The following DAB1 variants were observed in gnomAD, a reference collection of about 807,000 sequenced individuals.
DAB1 encodes the protein disabled homolog 1.
Under a neutral mutation model 64.6 loss-of-function variants are expected in DAB1, and 15 were observed. The ratio of observed to expected loss-of-function variants is 0.23; its 90% CI spans 0.16 to 0.36. The LOEUF is 0.36. DAB1 is among the 10% of genes least tolerant of loss of function. The probability of loss-of-function intolerance (pLI) is 1.00; values close to 1 mark genes in which losing one functional copy is unlikely to be tolerated. For synonymous variants in DAB1, 235 were observed against 251.9 expected (o/e 0.93, Z 0.64); for missense variants, 596 against 706.7 (o/e 0.84, Z 1.78).
chr1:58,441,723 G>A (rs76888617), intron 3 of DAB1, among the ~76,000 whole-genome samples: 3,965 of 152,224 alleles, frequency 0.026, 63 homozygotes, highest in East Asian at 0.041. Context: ...CTGGTCAGTG[G>A]GTGTCTCTGG....
downstream of DAB1, among the ~76,000 whole-genome samples, chr1:57,822,857 T>G (rs1229852055): frequency 6.6e-6 from 1 of 152,162 alleles, no homozygotes. Context: ...TAGTGAGATA[T>G]TTATCCTTTT....
chr1:57,759,771 G>C lies in DAB1; in HGVS notation n.552-110106C>G, dbSNP rs1381187747. 2.6e-5 allele frequency among the ~76,000 whole-genome samples: 4 copies of C among 152,186 alleles called. No homozygotes were observed. In the East Asian group the frequency reaches 7.7e-4, roughly 29 times the overall value. On this transcript the variant is annotated intron_variant and non_coding_transcript_variant, in intron 6 of 20. Coordinates refer to the DAB1 transcript ENST00000485760. Reference sequence around the variant, plus strand: ...ACCAGTTAGGAGCTAGAATAGGTGAGACATGATAGGGACATTGACCATGGT... The same window carrying C: ...ACCAGTTAGGAGCTAGAATAGGTGACACATGATAGGGACATTGACCATGGT...
At chr1:57,356,974 C>A (rs915194541) in intron 1 of DAB1, among the ~76,000 whole-genome samples, 2 of 152,036 alleles carry the variant, frequency 1.3e-5, no homozygotes, top group East Asian at 1.9e-4. Context: ...CTTTGTGCTT[C>A]AACTATACAT....
At chr1:57,613,483 CT>C (rs1261233086) in intron 7 of DAB1, among the ~76,000 whole-genome samples, 1 of 152,006 alleles carries the variant, frequency 6.6e-6, no homozygotes, top group Non-Finnish European at 1.5e-5. Flanking sequence ...AGTTCGGTTT[CT>C]TCACTCTATG....
At chr1:57,096,658 C>G (rs959876831) in intron 4 of DAB1, among the ~76,000 whole-genome samples, 2 of 152,170 alleles carry the variant, frequency 1.3e-5, no homozygotes, top group Non-Finnish European at 2.9e-5. Context: ...TCACTCCCCA[C>G]AGTCAATCCC....
intron 2 of DAB1, among the ~76,000 whole-genome samples, chr1:57,189,274 A>G (rs1222334064): frequency 6.6e-6 from 1 of 152,174 alleles, no homozygotes; most frequent in East Asian, 1.9e-4. Context: ...GTAGTCTTTT[A>G]TCAACATTTA....
chr1:57,273,516 AGCCTGACTGCCTGCCT>A (rs1365017388), intron 2 of DAB1, among the ~76,000 whole-genome samples: 11 of 138,722 alleles, frequency 7.9e-5, no homozygotes, highest in East Asian at 5.0e-4. Flanking sequence ...GCATCCACCA[AGCCTGACTGCCTGCCT>A]GCCTGCCTGC....
chr1:57,494,883 C>T (rs1644211496), intron 7 of DAB1, among the ~76,000 whole-genome samples: 1 of 152,088 alleles, frequency 6.6e-6, no homozygotes, highest in African/African-American at 2.4e-5. Flanking sequence ...CTGTGAAATT[C>T]CTTATAAATA....
chr1:58,072,092 G>GC (rs905847196), intron 5 of DAB1, among the ~76,000 whole-genome samples: 5 of 122,450 alleles, frequency 4.1e-5, no homozygotes, highest in African/African-American at 8.8e-5. Context: ...GGGTGGGGGG[G>GC]GGTGGGTAGT....
chr1:58,272,758 T>G (rs911154142), intron 4 of DAB1, among the ~76,000 whole-genome samples: 4 of 152,178 alleles, frequency 2.6e-5, no homozygotes, highest in African/African-American at 9.7e-5. Context: ...CTTGTTGAAT[T>G]GATCCCTTTA....
intron 5 of DAB1, among the ~76,000 whole-genome samples, chr1:58,008,591 T>C (rs1183533297): frequency 1.3e-5 from 2 of 152,132 alleles, no homozygotes; most frequent in Non-Finnish European, 2.9e-5. Context: ...CGGTTCGGTG[T>C]GTGAATAAAG....
chr1:57,936,588 C>T (rs10157220), intron 5 of DAB1, among the ~76,000 whole-genome samples: 61,243 of 151,664 alleles, frequency 0.4, 13,499 homozygotes, highest in Admixed American at 0.51. Context: ...TTTTTATTAG[C>T]GATGGGATTT....
Position 57,193,381 on chromosome 1 carries a change from G to GTTT in DAB1, c.68-47955_68-47953dup, listed in dbSNP as rs999329119. 8.8e-4 allele frequency among the ~76,000 whole-genome samples: 73 copies of GTTT among 83,064 alleles called. 3 individuals are homozygous for GTTT. The highest frequency in any genetic ancestry group is 1.1e-3 in the Non-Finnish European group (52 of 46,280). 54.5% of individuals were successfully genotyped at this position (83,064 alleles called of 152,430 possible). On this transcript the variant is annotated intron_variant, in intron 2 of 14. Coordinates refer to ENST00000371236, the MANE Select transcript of DAB1 (RefSeq NM_001365792.1). ...CCTTCCAGATTCATCCGTAGCATAT[G>GTTT]TTTTTTTTTTTTTTTTTTTTTTTGA...
At chr1:58,292,061 T>C (rs967846653) in intron 4 of DAB1, among the ~76,000 whole-genome samples, 6 of 152,226 alleles carry the variant, frequency 3.9e-5, no homozygotes, top group African/African-American at 1.2e-4. Context: ...TGTCCCCTTT[T>C]TTTCTGACTC....
chr1:57,960,576 A>T (rs1412600821), intron 5 of DAB1, among the ~76,000 whole-genome samples: 2 of 152,234 alleles, frequency 1.3e-5, no homozygotes, highest in African/African-American at 4.8e-5. Context: ...ATACGTTAAT[A>T]CTATTTTTAT....
At chr1:58,016,190 A>C (rs1430706849) in intron 5 of DAB1, among the ~76,000 whole-genome samples, 2 of 152,144 alleles carry the variant, frequency 1.3e-5, no homozygotes, top group Non-Finnish European at 2.9e-5. Context: ...GCCAAAAAGT[A>C]AATATTTTAG....
chr1:57,396,541 G>A (rs764606743), intron 1 of DAB1, among the ~76,000 whole-genome samples: 31 of 152,170 alleles, frequency 2.0e-4, no homozygotes, highest in Admixed American at 1.9e-3. Context: ...TTGACTTTAC[G>A]AGTTTAGCAA....
intron 5 of DAB1, among the ~76,000 whole-genome samples, chr1:57,929,243 G>T (rs915968933): frequency 6.6e-6 from 1 of 152,184 alleles, no homozygotes; most frequent in East Asian, 1.9e-4. Context: ...TCTTTGGTGA[G>T]ATGTATGTAA....
chr1:58,178,869 G>A lies in DAB1; in HGVS notation n.310-28281C>T, dbSNP rs1439351018. ...GTACAGTGTTAAACAGAGATGGGGA[G>A]ACCAGACTTCCTATTTTGTTCCTGA... On this transcript the variant is annotated intron_variant and non_coding_transcript_variant, in intron 4 of 20. Transcript: ENST00000485760. Among the ~76,000 whole-genome samples, 6 of 152,222 alleles carry A rather than the reference G, an allele frequency of 3.9e-5. No individual in the cohort carries two copies. In the South Asian group the frequency reaches 8.3e-4, roughly 21 times the overall value.
Sources: allele counts gnomAD v4.1 joint callset (sites outside exome capture counted in the v4.1 genomes callset), GRCh38; gene constraint gnomAD v4.1.1; transcripts MANE v1.5; gene names NCBI Gene and HGNC (gene_info 2026-07-23, HGNC 2026-07-21).